INF2: variants seen among roughly 807,000 people sequenced by gnomAD.
INF2 encodes the protein inverted formin 2, also known as inverted formin-2.
In INF2, 43 loss-of-function variants were observed where a neutral mutation model predicts 123.5. That is an observed-to-expected ratio of 0.35 (90% CI 0.27 to 0.45). INF2 has a LOEUF of 0.45. Among genes scored for constraint, INF2 ranks in the 20% least tolerant of loss-of-function variants. The probability of loss-of-function intolerance (pLI) is 1.00; values close to 1 mark genes in which losing one functional copy is unlikely to be tolerated. For synonymous variants in INF2, 851 were observed against 745.0 expected, an observed-to-expected ratio of 1.14 and a Z score of -2.32; for missense variants, 1,453 against 1,682.7, an observed-to-expected ratio of 0.86 and a Z score of 2.39.
chr14:104,710,783 C>A, intron 13 of INF2, 154 bp from the exon 14 acceptor site: 1 of 659,780 alleles, frequency 1.5e-6, no homozygotes, highest in Non-Finnish European at 2.6e-6. Context: ...TTTGCAGCCC[C>A]CAGGCCCTGT....
chr14:104,710,812 C>A, intron 13 of INF2, 125 bp from the exon 14 acceptor site: 2 of 798,168 alleles, frequency 2.5e-6, no homozygotes, highest in South Asian at 1.7e-5. Flanking sequence ...CCTTCCGGTG[C>A]TGGGCTGAGC....
rs911031448 is a variant in INF2, at chr14:104,698,310, G to A, written c.-9-3047G>A. ...ATCAGTAAACTGTGGATTCCTTCTG[G>A]AATCCTTGCAGAAGTGGACACCACC... On this transcript the variant is annotated intron_variant, in intron 1 of 22. Transcript: ENST00000392634. Among the ~76,000 whole-genome samples the A allele has an allele frequency of 2.0e-5, 3 of 152,216 alleles. No individual in the cohort carries two copies. In the East Asian group the frequency reaches 5.8e-4, roughly 29 times the overall value.
intron 22 of INF2, among the ~76,000 whole-genome samples, chr14:104,718,232 G>A (rs577538896): frequency 1.3e-5 from 2 of 152,378 alleles, no homozygotes; most frequent in East Asian, 1.9e-4. Flanking sequence ...TGGCAGTGGG[G>A]GTGACACTCA....
chr14:104,690,988 C>CTAAA (rs1434611008), intron 1 of INF2, among the ~76,000 whole-genome samples: 19 of 151,984 alleles, frequency 1.3e-4, no homozygotes, highest in African/African-American at 4.4e-4. Flanking sequence ...CAGGTTGGTG[C>CTAAA]AGTGGGCCCT....
chr14:104,716,401 G>A (rs1890300862), intron 22 of INF2, among the ~76,000 whole-genome samples: 1 of 152,238 alleles, frequency 6.6e-6, no homozygotes, highest in East Asian at 1.9e-4. Context: ...TGGCTCTCTG[G>A]TGTGAAGCAC....
chr14:104,683,500 G>A (rs1248493040), intron 1 of INF2, among the ~76,000 whole-genome samples: 2 of 152,014 alleles, frequency 1.3e-5, no homozygotes, highest in Non-Finnish European at 2.9e-5. Flanking sequence ...GGGTAGAGGG[G>A]AGAGTGAAGG....
At chr14:104,716,773 C>T (rs1228458453) in intron 22 of INF2, among the ~76,000 whole-genome samples, 3 of 152,242 alleles carry the variant, frequency 2.0e-5, no homozygotes, top group Non-Finnish European at 4.4e-5. Flanking sequence ...TCACAGCAAC[C>T]TCCACCTTCC....
chr14:104,707,130 C>A (rs1305850411), intron 7 of INF2, 79 bp downstream of exon 7: 2 of 1,511,318 alleles, frequency 1.3e-6, no homozygotes, highest in South Asian at 2.4e-5. Flanking sequence ...GGGGAGCCTG[C>A]CCTTGGCCCC....
At chr14:104,697,090 C>T (rs111327615) in intron 1 of INF2, among the ~76,000 whole-genome samples, 19,324 of 152,242 alleles carry the variant, frequency 0.13, 1,464 homozygotes, top group Admixed American at 0.17. Context: ...TCGTGGGGAG[C>T]CTGGACCCAG....
Position 104,713,591 on chromosome 14 carries a change from A to G in INF2, c.3025A>G (p.Arg1009Gly). The G allele has an allele frequency of 6.2e-7, 1 of 1,612,512 alleles. No homozygotes were observed. Among genetic ancestry groups the G allele is most frequent in the Non-Finnish European group, 8.5e-7 (1 of 1,179,744 alleles). ...GSKAASMDPP[R>G]ATEPVATSNP... ...CAAGGCAGCCTCCATGGATCCCCCA[A>G]GAGCCACAGAGCCTGGTAAGACCCT... Residue 1009 changes from arginine (R) to glycine (G), a missense_variant, in exon 20 of 23, where the codon AGA becomes GGA. Arg to Gly is a moderately radical substitution (Grantham distance 125). This residue lies in a region of INF2 where 344 missense variants were observed against 333.1 expected (regional missense o/e 1.03). Coordinates refer to ENST00000392634, the MANE Select transcript of INF2 (RefSeq NM_022489.4).
Position 104,706,017 on chromosome 14 carries a change from C to G in INF2, c.702-18C>G. On this transcript the variant is annotated intron_variant, in intron 5 of 22. Transcript: ENST00000392634. ...GGTGGCAGCAGCAGGCTTAGCCCAC[C>G]TGGCCCCTCCTGCACAGAGACCTGG... is the stretch of plus-strand genomic sequence containing the variant. The G allele has an allele frequency of 1.2e-6, 2 of 1,605,902 alleles. No homozygotes were observed. Among genetic ancestry groups the G allele is most frequent in the Non-Finnish European group, 8.5e-7 (1 of 1,175,286 alleles).
chr14:104,683,119 C>CAA (rs1487866335), intron 1 of INF2, among the ~76,000 whole-genome samples: 4 of 147,248 alleles, frequency 2.7e-5, no homozygotes, highest in Admixed American at 7.1e-5. Context: ...GTTGAAAACC[C>CAA]AAGGAGCAGC....
rs112480223 is a variant in INF2 at position 104,712,132 on chromosome 14, G to A, written c.2490-301G>A. On this transcript the variant is annotated intron_variant, in intron 16 of 22. Coordinates refer to ENST00000392634, the MANE Select transcript of INF2 (RefSeq NM_022489.4). ...CCCCACTACACAGTCCGGGCCCCTA[G>A]CACGGAGTTCTTCCCGGGCTCCACC... Among the ~76,000 whole-genome samples, 1,869 of 152,180 alleles carry A rather than the reference G, an allele frequency of 0.012. 33 individuals carry two copies. Among genetic ancestry groups the A allele is most frequent in the African/African-American group, 0.042 (1,762 of 41,512 alleles).
chr14:104,707,268 T>C lies in INF2; in HGVS notation c.1001T>C (p.Leu334Pro), dbSNP rs1376727596. The change falls in exon 8 of 23, where the codon CTG becomes CCG. Residue 334 changes from leucine (L) to proline (P), a missense_variant. Coordinates refer to ENST00000392634, the MANE Select transcript of INF2 (RefSeq NM_022489.4). The part of the protein sequence containing the change: ...LLASDAQECT[L>P]EEVVERLLSV... ...CCTACTGCAGCCCAGGAATGCACCC[T>C]GGAGGAAGTGGTTGAGCGGCTCCTG... 2 of 1,609,498 alleles carry C rather than the reference T, an allele frequency of 1.2e-6. No homozygotes were observed. The highest frequency in any genetic ancestry group is 1.1e-5 in the South Asian group (1 of 90,208).
In INF2 at chr14:104,703,330, C is replaced by T; in HGVS notation, c.543C>T (p.Val181=). 1 of 1,613,156 alleles carries T rather than the reference C, an allele frequency of 6.2e-7. No homozygotes were observed. The highest frequency in any genetic ancestry group is 8.5e-7 in the Non-Finnish European group (1 of 1,179,944). Residue 181 remains valine (V), a synonymous_variant, in exon 4 of 23, where the codon GTC becomes GTT. Transcript: ENST00000392634. The stretch of plus-strand genomic sequence containing the variant: ...GCCAGCAGTACCGCTTCAGCATTGT[C>T]ATGAACGAGCTCTCCGGCAGCGACA... The part of the protein sequence containing the change: ...VCSQQYRFSI[V]MNELSGSDNV...
Position 104,710,111 on chromosome 14 carries a change from T to C in INF2, c.2162T>C (p.Met721Thr). 6.4e-7 allele frequency: 1 copy of C among 1,552,782 alleles called. No homozygotes were observed. The highest frequency in any genetic ancestry group is 8.7e-7 in the Non-Finnish European group (1 of 1,148,642). ...AGCTACCAGCTGCGAATCGAGTGCA[T>C]GCTGCTGTGTGAGGGCGCGGCCGCC... Reference protein sequence around the residue: ...IPCYQLRIECMLLCEGAAAVL... With the variant: ...IPCYQLRIECTLLCEGAAAVL... Residue 721 changes from methionine (M) to threonine (T), a missense_variant, in exon 13 of 23, where the codon ATG becomes ACG. Transcript: ENST00000392634.
chr14:104,686,481 G>A (rs75763047), upstream of INF2, among the ~76,000 whole-genome samples: 81 of 152,074 alleles, frequency 5.3e-4, 1 homozygote, highest in East Asian at 4.4e-3. Flanking sequence ...TGAAGTGTGG[G>A]TGTGTGTGGG....
chr14:104,707,719 T>G lies in INF2; in HGVS notation c.1452T>G (p.Cys484Trp). The change falls in exon 8 of 23, where the codon TGT becomes TGG. Residue 484 changes from cysteine (C) to tryptophan (W), a missense_variant. Transcript: ENST00000392634. The part of the protein sequence containing the change: ...PPLPPPLPGS[C>W]EFLPPPPPPL... ...TACCACCACCCCTGCCAGGCTCCTG[T>G]GAGTTCCTGCCCCCACCACCTCCAC... 9.2e-7 allele frequency: 1 copy of G among 1,090,056 alleles called. No homozygotes were observed. Among genetic ancestry groups the G allele is most frequent in the Non-Finnish European group, 1.2e-6 (1 of 802,220 alleles). 67.5% of individuals were successfully genotyped at this position (1,090,056 alleles called of 1,614,324 possible).
chr14:104,691,036 G>A (rs1888921446), intron 1 of INF2, among the ~76,000 whole-genome samples: 1 of 152,244 alleles, frequency 6.6e-6, no homozygotes, highest in South Asian at 2.1e-4. Flanking sequence ...ACTGTCATGG[G>A]CCCTGCAGCC....
Sources: allele counts gnomAD v4.1 joint callset (sites outside exome capture counted in the v4.1 genomes callset), GRCh38; gene constraint gnomAD v4.1.1; regional missense constraint gnomAD v4.1.1; transcripts MANE v1.5; gene names NCBI Gene and HGNC (gene_info 2026-07-23, HGNC 2026-07-21).